The following NOX4 variants were observed in gnomAD, a reference collection of about 807,000 sequenced individuals.
NOX4 encodes kidney oxidase-1.
In NOX4, 69 loss-of-function variants were observed where a neutral mutation model predicts 87.6. The ratio of observed to expected loss-of-function variants is 0.79; its 90% CI spans 0.65 to 0.96. NOX4 has a LOEUF of 0.96. Ranked by LOEUF, NOX4 falls within the 40% of genes least tolerant of loss-of-function variation. The pLI, the probability that NOX4 is intolerant of heterozygous loss-of-function variation, is 0.00. For synonymous variants in NOX4, 275 were observed against 238.2 expected (o/e 1.15, Z -1.42); for missense variants, 680 against 681.5 (o/e 1.00, Z 0.02).
At chr11:89,435,878 T>C (rs1191545499) in intron 6 of NOX4, among the ~76,000 whole-genome samples, 1 of 152,146 alleles carries the variant, frequency 6.6e-6, no homozygotes, top group Non-Finnish European at 1.5e-5. Context: ...CTAAAGAATT[T>C]GTTTTTCCTT....
chr11:89,433,327 A>G (rs1320397590), intron 6 of NOX4, among the ~76,000 whole-genome samples: 2 of 152,096 alleles, frequency 1.3e-5, no homozygotes, highest in Non-Finnish European at 2.9e-5. Context: ...TATCTATTTT[A>G]CAGAATATTC....
chr11:89,531,629 T>C, the NOX4 span, among the ~76,000 whole-genome samples: 1 of 152,162 alleles, frequency 6.6e-6, no homozygotes, highest in Admixed American at 6.5e-5. Context: ...GTGAGTGAGT[T>C]CTCAAGAGAT....
chr11:89,401,671 G>A (rs1284560048), intron 9 of NOX4, among the ~76,000 whole-genome samples: 2 of 152,046 alleles, frequency 1.3e-5, no homozygotes, highest in African/African-American at 4.8e-5. Flanking sequence ...CGTTTACCAG[G>A]AGCAAGCATA....
the NOX4 span, among the ~76,000 whole-genome samples, chr11:89,527,022 T>A: frequency 6.6e-6 from 1 of 152,160 alleles, no homozygotes; most frequent in Non-Finnish European, 1.5e-5. Flanking sequence ...ATGTCCAGAC[T>A]GAGGTGATCT....
chr11:89,401,787 A>G (rs192187847), intron 9 of NOX4, among the ~76,000 whole-genome samples: 3 of 152,234 alleles, frequency 2.0e-5, no homozygotes, highest in Non-Finnish European at 4.4e-5. Flanking sequence ...GGTGATATTA[A>G]TTACTTCAAA....
intron 8 of NOX4, among the ~76,000 whole-genome samples, chr11:89,419,087 A>G (rs766064427): frequency 1.5e-4 from 23 of 152,088 alleles, no homozygotes; most frequent in Admixed American, 1.3e-4. Flanking sequence ...AGCTTTTCCA[A>G]TTGATTTTTC....
intron 8 of NOX4, among the ~76,000 whole-genome samples, chr11:89,404,406 A>G (rs985061130): frequency 2.0e-5 from 3 of 152,112 alleles, no homozygotes; most frequent in Non-Finnish European, 2.9e-5. Context: ...TCCGCCTCCT[A>G]ACACTCCAGA....
intron 13 of NOX4, among the ~76,000 whole-genome samples, chr11:89,343,139 T>C (rs1946075817): frequency 6.6e-6 from 1 of 152,168 alleles, no homozygotes; most frequent in Admixed American, 6.6e-5. Context: ...ACAGGACGAC[T>C]AGAACTCAGC....
At chr11:89,480,707 C>T (rs974618109) in intron 2 of NOX4, among the ~76,000 whole-genome samples, 2 of 151,994 alleles carry the variant, frequency 1.3e-5, no homozygotes, top group Admixed American at 6.6e-5. Context: ...GAGACTGCAG[C>T]AAAGAACATA....
chr11:89,526,166 T>G, the NOX4 span, among the ~76,000 whole-genome samples: 1 of 152,196 alleles, frequency 6.6e-6, no homozygotes, highest in Non-Finnish European at 1.5e-5. Flanking sequence ...AAAATTTTTT[T>G]GACTAATGTG....
chr11:89,374,450 A>G (rs1322456208), intron 11 of NOX4, among the ~76,000 whole-genome samples: 2 of 152,186 alleles, frequency 1.3e-5, no homozygotes, highest in Non-Finnish European at 2.9e-5. Context: ...TGGGTAAGGG[A>G]CCATCTGCCT....
At chr11:89,534,924 C>A in the NOX4 span, among the ~76,000 whole-genome samples, 1 of 152,180 alleles carries the variant, frequency 6.6e-6, no homozygotes, top group Admixed American at 6.5e-5. Flanking sequence ...ACTATCGATT[C>A]TGAGGAAGAA....
chr11:89,463,931 G>A (rs568723090), intron 2 of NOX4, among the ~76,000 whole-genome samples: 1 of 151,770 alleles, frequency 6.6e-6, no homozygotes, highest in East Asian at 1.9e-4. Flanking sequence ...CTTTTGATCT[G>A]GCATTTGCAT....
At chr11:89,454,192 CT>C (rs1401306457) in intron 2 of NOX4, among the ~76,000 whole-genome samples, 1 of 151,940 alleles carries the variant, frequency 6.6e-6, no homozygotes, top group Non-Finnish European at 1.5e-5. Flanking sequence ...ATGTTTTAAC[CT>C]TTTTCTCTAA....
the NOX4 span, among the ~76,000 whole-genome samples, chr11:89,523,735 T>C: frequency 6.6e-5 from 10 of 152,230 alleles, no homozygotes; most frequent in African/African-American, 2.2e-4. Context: ...ACTCCATCAA[T>C]GAGTGAAGAG....
At chr11:89,368,129 G>A (rs888466450) in intron 12 of NOX4, among the ~76,000 whole-genome samples, 1 of 151,522 alleles carries the variant, frequency 6.6e-6, no homozygotes, top group African/African-American at 2.4e-5. Flanking sequence ...AACATAATTA[G>A]TATATTGTTA....
intron 2 of NOX4, among the ~76,000 whole-genome samples, chr11:89,458,407 G>T (rs1189237190): frequency 6.6e-6 from 1 of 152,168 alleles, no homozygotes; most frequent in Non-Finnish European, 1.5e-5. Context: ...CCTTGGCAAA[G>T]ATTTCATGAT....
chr11:89,429,501 G>T (rs1565279678), intron 7 of NOX4, among the ~76,000 whole-genome samples: 1 of 152,052 alleles, frequency 6.6e-6, no homozygotes, highest in African/African-American at 2.4e-5. Context: ...GAATCAAATA[G>T]ATGCAATAAA....
the NOX4 span, among the ~76,000 whole-genome samples, chr11:89,569,390 G>A: frequency 3.9e-5 from 6 of 151,914 alleles, no homozygotes; most frequent in African/African-American, 1.5e-4. Context: ...TAAAAAAATG[G>A]GCAAAGGATA....
Sources: gnomAD v4.1 joint callset for allele counts (sites outside exome capture counted in the v4.1 genomes callset) on GRCh38, gnomAD v4.1.1 for gene constraint, MANE v1.5 for transcripts, NCBI Gene and HGNC (gene_info 2026-07-23, HGNC 2026-07-21) for gene names.